Variants in NANOG observed in about 807,000 individuals in gnomAD.
NANOG encodes Nanog homeobox.
NANOG carries 2 observed loss-of-function variants against 17.7 expected under a neutral mutation model. The ratio of observed to expected loss-of-function variants is 0.11; its 90% CI spans 0.05 to 0.36. NANOG has a LOEUF of 0.36. Ranked by LOEUF, NANOG falls within the 10% of genes least tolerant of loss-of-function variation. The pLI is 1.00. For missense variants in NANOG, 174 were observed against 362.1 expected (o/e 0.48, Z 4.22); for synonymous variants, 81 against 124.7 (o/e 0.65, Z 2.33).
In NANOG at chr12:7,789,483, A is replaced by T; in HGVS notation, c.-132A>T. On this transcript the variant is annotated 5_prime_UTR_variant, in exon 1 of 4. Transcript: ENST00000229307. ...TGTTATTATGCAGGCAACTCACTTT[A>T]TCCCAATTTCTTGATACTTTTCCTT... 2 of 732,456 alleles carry T rather than the reference A, an allele frequency of 2.7e-6. No homozygotes were observed. The highest frequency in any genetic ancestry group is 4.5e-6 in the Non-Finnish European group (2 of 443,068). 45.4% of individuals were successfully genotyped at this position (732,456 alleles called of 1,614,324 possible).
Position 7,789,457 on chromosome 12 carries a change from A to C in NANOG, c.-158A>C, listed in dbSNP as rs749126222. ...TCTGCTGGACTGAGCTGGTTGCCTCATGTTATTATGCAGGCAACTCACTTT... is the reference window on the plus strand; with the variant it reads ...TCTGCTGGACTGAGCTGGTTGCCTCCTGTTATTATGCAGGCAACTCACTTT... On this transcript the variant is annotated 5_prime_UTR_variant, in exon 1 of 4. The change abolishes an upstream ATG in the 5' untranslated region. Coordinates refer to ENST00000229307, the MANE Select transcript of NANOG (RefSeq NM_024865.4). 13 of 631,722 alleles carry C rather than the reference A, an allele frequency of 2.1e-5. No individual in the cohort carries two copies. The highest frequency in any genetic ancestry group is 1.7e-4 in the African/African-American group (9 of 54,452). 39.1% of individuals were successfully genotyped at this position (631,722 alleles called of 1,614,324 possible). A position where few individuals can be genotyped will look rare whatever the true frequency, so the allele number is the denominator to read the frequency against.
intron 1 of NANOG, among the ~76,000 whole-genome samples, chr12:7,791,035 T>G (rs1862833712): frequency 6.6e-6 from 1 of 152,018 alleles, no homozygotes; most frequent in South Asian, 2.1e-4. Context: ...GCTGACCCAC[T>G]CTGCATGGCT....
At chr12:7,792,633 C>A (rs1328712774) in intron 1 of NANOG, among the ~76,000 whole-genome samples, 1 of 152,058 alleles carries the variant, frequency 6.6e-6, no homozygotes, top group East Asian at 1.9e-4. Context: ...CATCGCACTT[C>A]AGCCTGGGCA....
intron 2 of NANOG, among the ~76,000 whole-genome samples, chr12:7,793,628 A>G (rs59882698): frequency 0.49 from 75,199 of 151,960 alleles, 20,144 homozygotes; most frequent in Non-Finnish European, 0.59. Context: ...CAATAAGGCC[A>G]ATCATTGTTT....
Position 7,789,485 on chromosome 12 carries a change from C to T in NANOG, c.-130C>T, listed in dbSNP as rs759310871. The T allele has an allele frequency of 2.5e-5, 19 of 746,266 alleles. 1 individual carries two copies. Among genetic ancestry groups the T allele is most frequent in the South Asian group, 2.0e-4 (11 of 55,432 alleles). 46.2% of individuals were successfully genotyped at this position (746,266 alleles called of 1,614,324 possible). A position where few individuals can be genotyped will look rare whatever the true frequency, so the allele number is the denominator to read the frequency against. ...TTATTATGCAGGCAACTCACTTTAT[C>T]CCAATTTCTTGATACTTTTCCTTCT... is the stretch of plus-strand genomic sequence containing the variant. On this transcript the variant is annotated 5_prime_UTR_variant, in exon 1 of 4. Coordinates refer to ENST00000229307, the MANE Select transcript of NANOG (RefSeq NM_024865.4).
chr12:7,792,109 G>C (rs1398568813), intron 1 of NANOG, among the ~76,000 whole-genome samples: 1 of 152,132 alleles, frequency 6.6e-6, no homozygotes, highest in Admixed American at 6.5e-5. Flanking sequence ...TTGGCACGCT[G>C]GTTTTGAACT....
At position 7,798,518 on chromosome 12, in the gene NANOG, A is replaced by G. The variant is rs965787496; in HGVS notation, c.*3423A>G. ...AATGCTATATTTTAGTAGCTTTACC[A>G]TATTTTAGTTTTTAAAATTCATTAT... is the stretch of plus-strand genomic sequence containing the variant. On this transcript the variant is annotated 3_prime_UTR_variant, in exon 4 of 4. Transcript: ENST00000229307. 2.0e-5 allele frequency: 3 copies of G among 152,198 alleles called. No homozygotes were observed. Among genetic ancestry groups the G allele is most frequent in the African/African-American group, 7.2e-5 (3 of 41,450 alleles). The allele number at this position is 152,198 out of a possible 1,614,324, so 9.4% of individuals were successfully genotyped here.
chr12:7,795,264 A>C lies in NANOG; in HGVS notation c.*169A>C. On this transcript the variant is annotated 3_prime_UTR_variant, in exon 4 of 4. Coordinates refer to ENST00000229307, the MANE Select transcript of NANOG (RefSeq NM_024865.4). ...GGAGGGTGGAGTATGGTTGGAGCCT[A>C]ATCAGCGAGGTTTCTTTTTTTTTTT... is the stretch of plus-strand genomic sequence containing the variant. The C allele has an allele frequency of 1.7e-6, 1 of 578,708 alleles. No individual in the cohort carries two copies. Among genetic ancestry groups the C allele is most frequent in the South Asian group, 2.1e-5 (1 of 47,104 alleles). The allele number at this position is 578,708 out of a possible 1,614,324, so 35.8% of individuals were successfully genotyped here.
chr12:7,794,699 C>T lies in NANOG; in HGVS notation c.522C>T (p.Tyr174=), dbSNP rs753295565. The change falls in exon 4 of 4, where the codon TAC becomes TAT. Residue 174 remains tyrosine (Y), a synonymous_variant. Transcript: ENST00000229307. Reference sequence around the variant, plus strand: ...TTCAGAAGGCCTCAGCACCTACCTACCCCAGCCTTTACTCTTCCTACCACC... The same window carrying T: ...TTCAGAAGGCCTCAGCACCTACCTATCCCAGCCTTTACTCTTCCTACCACC... The part of the protein sequence containing the change: ...GVTQKASAPT[Y]PSLYSSYHQG... 1.9e-6 allele frequency: 3 copies of T among 1,607,734 alleles called. No homozygotes were observed. The East Asian group carries it at 6.7e-5, about 36-fold the overall frequency.
chr12:7,789,505 C>T lies in NANOG; in HGVS notation c.-110C>T. The T allele has an allele frequency of 1.1e-6, 1 of 903,118 alleles. No individual in the cohort carries two copies. Among genetic ancestry groups the T allele is most frequent in the Non-Finnish European group, 1.7e-6 (1 of 583,788 alleles). 55.9% of individuals were successfully genotyped at this position (903,118 alleles called of 1,614,324 possible). A position where few individuals can be genotyped will look rare whatever the true frequency, so the allele number is the denominator to read the frequency against. ...TTTATCCCAATTTCTTGATACTTTT[C>T]CTTCTGGAGGTCCTATTTCTCTAAC... On this transcript the variant is annotated 5_prime_UTR_variant, in exon 1 of 4. Transcript: ENST00000229307.
At position 7,796,352 on chromosome 12, in the gene NANOG, GAAT is replaced by G. The variant is rs1214080581; in HGVS notation, c.*1263_*1265del. ...TAAATATGCCAGTTTTAGAATGAAT[GAAT>G]AATAAATATGCCAGTTTTAGAAAAA... is the stretch of plus-strand genomic sequence containing the variant. On this transcript the variant is annotated 3_prime_UTR_variant, in exon 4 of 4. Transcript: ENST00000229307. The G allele has an allele frequency of 1.3e-5, 1 of 79,618 alleles. No individual in the cohort carries two copies. The highest frequency in any genetic ancestry group is 4.0e-5 in the Non-Finnish European group (1 of 24,926). The allele number at this position is 79,618 out of a possible 1,614,324, so 4.9% of individuals were successfully genotyped here.
intron 2 of NANOG, 48 bp downstream of exon 2, chr12:7,793,260 T>C: frequency 1.3e-6 from 2 of 1,590,164 alleles, no homozygotes; most frequent in African/African-American, 1.3e-5. Context: ...ATTGGACTAA[T>C]TTGCATGGCT....
chr12:7,793,424 C>G (rs1862871447), intron 2 of NANOG, among the ~76,000 whole-genome samples: 1 of 152,166 alleles, frequency 6.6e-6, no homozygotes, highest in Non-Finnish European at 1.5e-5. Flanking sequence ...ATAATTTAAC[C>G]ACTTTCTTGC....
At position 7,793,001 on chromosome 12, in the gene NANOG, C is replaced by T; in HGVS notation, c.203C>T (p.Ser68Phe). 2.5e-6 allele frequency: 4 copies of T among 1,610,082 alleles called. No individual in the cohort carries two copies. Among genetic ancestry groups the T allele is most frequent in the Non-Finnish European group, 3.4e-6 (4 of 1,177,958 alleles). Residue 68 changes from serine to phenylalanine, a missense_variant, in exon 2 of 4, where the codon TCT (serine) becomes TTT (phenylalanine). By Grantham distance (155) the Ser-to-Phe change is radical (BLOSUM62 -2). Around this residue, in one of 2 missense-constraint regions of NANOG, gnomAD observed 158 missense variants for 244.2 expected, o/e 0.65. Coordinates refer to ENST00000229307, the MANE Select transcript of NANOG (RefSeq NM_024865.4). ...MDLLIQDSPD[S>F]STSPKGKQPT... ...CTGCTTATTCAGGACAGCCCTGATT[C>T]TTCCACCAGTCCCAAAGGCAAACAA...
At position 7,794,671 on chromosome 12, in the gene NANOG, T is replaced by C; in HGVS notation, c.502-8T>C. 11 of 1,611,116 alleles carry C rather than the reference T, an allele frequency of 6.8e-6. No homozygotes were observed. The highest frequency in any genetic ancestry group is 9.3e-6 in the Non-Finnish European group (11 of 1,178,004). ...TACCCTTTCTGTTAATCCCTCCTTC[T>C]CTTTCAGAAGGCCTCAGCACCTACC... On this transcript the variant is annotated splice_polypyrimidine_tract_variant and splice_region_variant and intron_variant, in intron 3 of 3. Transcript: ENST00000229307.
At chr12:7,791,524 T>C (rs1358877158) in intron 1 of NANOG, among the ~76,000 whole-genome samples, 1 of 152,210 alleles carries the variant, frequency 6.6e-6, no homozygotes, top group Non-Finnish European at 1.5e-5. Context: ...TAATCATTAG[T>C]TGAAAGGCTT....
At chr12:7,792,443 G>T (rs1862853735) in intron 1 of NANOG, among the ~76,000 whole-genome samples, 1 of 152,084 alleles carries the variant, frequency 6.6e-6, no homozygotes, top group Non-Finnish European at 1.5e-5. Context: ...GAGGCAGGCG[G>T]ATCACGAGGT....
In NANOG at chr12:7,793,051, G is replaced by A. The variant is rs767551668; in HGVS notation, c.253G>A (p.Ala85Thr). The change falls in exon 2 of 4, where the codon GCA (alanine) becomes ACA (threonine). Residue 85 changes from alanine (A) to threonine (T), a missense_variant. Coordinates refer to ENST00000229307, the MANE Select transcript of NANOG (RefSeq NM_024865.4). ...KQPTSAEKSVAKKEDKVPVKK... is the reference protein window; with the variant it reads ...KQPTSAEKSVTKKEDKVPVKK... The stretch of plus-strand genomic sequence containing the variant: ...ACCCACTTCTGCAGAGAAGAGTGTC[G>A]CAAAAAAGGAAGACAAGGTCCCGGT... 36 of 1,609,162 alleles carry A rather than the reference G, an allele frequency of 2.2e-5. No individual in the cohort carries two copies. The highest frequency in any genetic ancestry group is 1.2e-4 in the African/African-American group (9 of 74,764).
chr12:7,794,235 G>A (rs748407167), intron 2 of NANOG, among the ~76,000 whole-genome samples: 1 of 143,144 alleles, frequency 7.0e-6, no homozygotes, highest in South Asian at 2.4e-4. Flanking sequence ...CATTACACCC[G>A]GCTAATTTTT....
Sources: gnomAD v4.1 joint callset for allele counts (sites outside exome capture counted in the v4.1 genomes callset) on GRCh38, gnomAD v4.1.1 for gene constraint, gnomAD v4.1.1 regional missense constraint, MANE v1.5 for transcripts, NCBI Gene and HGNC (gene_info 2026-07-23, HGNC 2026-07-21) for gene names.